The following FBXL2 variants were observed in gnomAD, a reference collection of about 807,000 sequenced individuals.
FBXL2 encodes F-box and leucine rich repeat protein 2, also known as F-box/LRR-repeat protein 2.
FBXL2 carries 38 observed loss-of-function variants against 69.2 expected under a neutral mutation model. The ratio of observed to expected loss-of-function variants is 0.55; its 90% confidence interval spans 0.42 to 0.72. The LOEUF is 0.72. FBXL2 is among the 30% of genes least tolerant of loss of function. FBXL2 has a pLI of 0.00. For missense variants in FBXL2, 354 were observed against 520.3 expected, an observed-to-expected ratio of 0.68 and a Z score of 3.11; for synonymous variants, 192 against 201.3, an observed-to-expected ratio of 0.95 and a Z score of 0.39.
At chr3:33,352,060 G>A (rs1286171870) in intron 2 of FBXL2, among the ~76,000 whole-genome samples, 1 of 151,936 alleles carries the variant, frequency 6.6e-6, no homozygotes, top group Non-Finnish European at 1.5e-5. Context: ...TGACACTATT[G>A]GACTAATTTT....
intron 2 of FBXL2, among the ~76,000 whole-genome samples, chr3:33,328,819 G>GT (rs903883070): frequency 5.3e-5 from 8 of 151,922 alleles, no homozygotes; most frequent in African/African-American, 1.9e-4. Context: ...GTGTGTGTGT[G>GT]TGTGTGTGTG....
At chr3:33,310,385 T>C (rs1183864200) in intron 2 of FBXL2, among the ~76,000 whole-genome samples, 1 of 152,114 alleles carries the variant, frequency 6.6e-6, no homozygotes, top group African/African-American at 2.4e-5. Flanking sequence ...ACTCCTGAAC[T>C]CAGGTAATCT....
intron 2 of FBXL2, among the ~76,000 whole-genome samples, chr3:33,354,538 T>A: frequency 6.6e-6 from 1 of 150,556 alleles, no homozygotes. Flanking sequence ...AAAGGGGAGA[T>A]AAACAAATGT....
At chr3:33,317,264 C>T (rs773589087) in intron 2 of FBXL2, among the ~76,000 whole-genome samples, 17 of 152,126 alleles carry the variant, frequency 1.1e-4, no homozygotes, top group Non-Finnish European at 2.2e-4. Flanking sequence ...TCCCCTTCCC[C>T]GCCTCTCGCA....
chr3:33,320,758 C>T (rs1017588089), intron 2 of FBXL2, among the ~76,000 whole-genome samples: 8 of 151,860 alleles, frequency 5.3e-5, no homozygotes, highest in Non-Finnish European at 8.8e-5. Context: ...GGATTACAGG[C>T]GTGAGCCACC....
In FBXL2 at chr3:33,402,703, A is replaced by G. The variant is rs902274159; in HGVS notation, n.1215-531A>G. ...CTTCCCCTTACTGTTTCCTTTAGGT[A>G]CAATACAAACAAAAGGCTGCTGTAC... On this transcript the variant is annotated intron_variant and non_coding_transcript_variant, in intron 12 of 12. Transcript: ENST00000463736. 3.5e-6 allele frequency: 3 copies of G among 847,494 alleles called. No homozygotes were observed. The African/African-American group carries it at 5.4e-5, about 15-fold the overall frequency. The allele number at this position is 847,494 out of a possible 1,614,324, so 52.5% of individuals were successfully genotyped here. A position where few individuals can be genotyped will look rare whatever the true frequency, so the allele number is the denominator to read the frequency against.
chr3:33,340,892 G>GC (rs1381974380), intron 2 of FBXL2, among the ~76,000 whole-genome samples: 2 of 80,372 alleles, frequency 2.5e-5, no homozygotes, highest in East Asian at 3.9e-4. Context: ...AGATTCCTTT[G>GC]CCCAAAAAAA....
At chr3:33,344,814 A>G (rs1489291172) in intron 2 of FBXL2, among the ~76,000 whole-genome samples, 1 of 152,190 alleles carries the variant, frequency 6.6e-6, no homozygotes, top group Admixed American at 6.5e-5. Context: ...TCTTACTAAA[A>G]CTGATTAAGA....
chr3:33,323,038 A>G (rs185253047), intron 2 of FBXL2, among the ~76,000 whole-genome samples: 202 of 152,238 alleles, frequency 1.3e-3, no homozygotes, highest in African/African-American at 4.6e-3. Context: ...AGCCTCTTGA[A>G]TTGCTACCTT....
downstream of FBXL2, among the ~76,000 whole-genome samples, chr3:33,404,498 AT>A (rs2044362415): frequency 6.6e-6 from 1 of 150,906 alleles, no homozygotes; most frequent in African/African-American, 2.4e-5. Context: ...AAAAAAAAAA[AT>A]AGCCAGGTAT....
At chr3:33,316,492 G>A (rs894182029) in intron 2 of FBXL2, among the ~76,000 whole-genome samples, 5 of 152,160 alleles carry the variant, frequency 3.3e-5, no homozygotes, top group East Asian at 1.9e-4. Context: ...GCCCCTTTTA[G>A]AAATTAGTGT....
In FBXL2 at chr3:33,292,523, T is replaced by C. The variant is rs1021773672; in HGVS notation, c.4-5141T>C. ...CACCTCTATCACTAATTGACAGAAC[T>C]TGTGAAGAAAAAAAAAGTCAGTAAG... On this transcript the variant is annotated intron_variant, in intron 1 of 14. Coordinates refer to ENST00000484457, the MANE Select transcript of FBXL2 (RefSeq NM_012157.5). 2.0e-5 allele frequency among the ~76,000 whole-genome samples: 3 copies of C among 151,882 alleles called. No homozygotes were observed. The South Asian group carries it at 6.2e-4, about 31-fold the overall frequency.
intron 2 of FBXL2, among the ~76,000 whole-genome samples, chr3:33,309,512 G>A (rs2037002758): frequency 6.6e-6 from 1 of 151,546 alleles, no homozygotes; most frequent in Non-Finnish European, 1.5e-5. Context: ...AGATAAAGTG[G>A]GTCTCTTGCA....
At chr3:33,342,293 C>T (rs956631203) in intron 2 of FBXL2, among the ~76,000 whole-genome samples, 1 of 151,706 alleles carries the variant, frequency 6.6e-6, no homozygotes, top group African/African-American at 2.4e-5. Context: ...GTATAAGCCA[C>T]TGTGCCCGGC....
chr3:33,343,986 A>G (rs2040257236), intron 2 of FBXL2, among the ~76,000 whole-genome samples: 1 of 152,038 alleles, frequency 6.6e-6, no homozygotes, highest in Admixed American at 6.5e-5. Context: ...AATCTGTTCT[A>G]CATAGCAGTA....
Position 33,400,965 on chromosome 3 carries a change from A to G in FBXL2, n.1215-2269A>G, listed in dbSNP as rs2044205255. 4 of 1,595,624 alleles carry G rather than the reference A, an allele frequency of 2.5e-6. No individual in the cohort carries two copies. In the East Asian group the frequency reaches 9.1e-5, roughly 36 times the overall value. ...GTTTTAGGAGAAAGATACTTACTTCACCAGAGGTCTGTGAAGCTCCATCTC... is the reference window on the plus strand; with the variant it reads ...GTTTTAGGAGAAAGATACTTACTTCGCCAGAGGTCTGTGAAGCTCCATCTC... On this transcript the variant is annotated intron_variant and non_coding_transcript_variant, in intron 12 of 12. Transcript: ENST00000463736.
At chr3:33,418,417 G>A in the FBXL2 span, among the ~76,000 whole-genome samples, 1 of 151,866 alleles carries the variant, frequency 6.6e-6, no homozygotes, top group African/African-American at 2.4e-5. Flanking sequence ...ACCACGCCCA[G>A]CTAATTTTTG....
chr3:33,372,990 T>G (rs2042390268), intron 5 of FBXL2, 102 bp from the exon 6 acceptor site: 2 of 967,108 alleles, frequency 2.1e-6, no homozygotes, highest in Non-Finnish European at 3.4e-6. Flanking sequence ...CGCGCTTTAA[T>G]TAAGTTTGAG....
At chr3:33,419,323 C>G in the FBXL2 span, among the ~76,000 whole-genome samples, 3 of 151,978 alleles carry the variant, frequency 2.0e-5, no homozygotes, top group African/African-American at 7.3e-5. Context: ...GGTGAAACCC[C>G]GTCTCTACTA....
Sources: allele counts gnomAD v4.1 joint callset (sites outside exome capture counted in the v4.1 genomes callset), GRCh38; gene constraint gnomAD v4.1.1; transcripts MANE v1.5; gene names NCBI Gene and HGNC (gene_info 2026-07-23, HGNC 2026-07-21).